The following DLGAP1 variants were observed in gnomAD, a reference collection of about 807,000 sequenced individuals.
The protein encoded by DLGAP1 is DLG associated protein 1.
Under a neutral mutation model 90.8 loss-of-function variants are expected in DLGAP1, and 11 were observed. That is an observed-to-expected ratio of 0.12 (90% CI 0.08 to 0.20). The LOEUF (loss-of-function observed/expected upper bound fraction) is 0.20. Ranked by LOEUF, DLGAP1 falls within the 10% of genes least tolerant of loss-of-function variation. The probability of loss-of-function intolerance (pLI) is 1.00; values close to 1 mark genes in which losing one functional copy is unlikely to be tolerated. For synonymous variants in DLGAP1, 558 were observed against 540.7 expected, an observed-to-expected ratio of 1.03 and a Z score of -0.44; for missense variants, 1,050 against 1,333.8, an observed-to-expected ratio of 0.79 and a Z score of 3.31.
At chr18:3,665,908 G>C (rs891350891) in intron 7 of DLGAP1, among the ~76,000 whole-genome samples, 2 of 152,220 alleles carry the variant, frequency 1.3e-5, no homozygotes, top group Non-Finnish European at 2.9e-5. Context: ...GCAGGAGGCA[G>C]ATGTAGGGGC....
intron 1 of DLGAP1, among the ~76,000 whole-genome samples, chr18:4,268,951 T>C (rs1196222225): frequency 6.6e-6 from 1 of 152,108 alleles, no homozygotes; most frequent in Non-Finnish European, 1.5e-5. Context: ...TTCAGTATTG[T>C]GTTATATATA....
intron 1 of DLGAP1, among the ~76,000 whole-genome samples, chr18:4,165,629 A>G (rs2076920504): frequency 6.6e-6 from 1 of 152,206 alleles, no homozygotes; most frequent in African/African-American, 2.4e-5. Context: ...CTGATACTTA[A>G]GACAATCATA....
intron 1 of DLGAP1, among the ~76,000 whole-genome samples, chr18:4,205,861 T>C (rs1050072139): frequency 6.6e-6 from 1 of 152,318 alleles, no homozygotes; most frequent in East Asian, 1.9e-4. Context: ...AGTAAGAGAT[T>C]GACTTGATGA....
intron 2 of DLGAP1, among the ~76,000 whole-genome samples, chr18:4,047,222 T>A (rs1320982905): frequency 2.0e-5 from 3 of 152,228 alleles, no homozygotes; most frequent in Non-Finnish European, 2.9e-5. Context: ...CTCAGGCAAT[T>A]TTCAGACAAA....
chr18:3,504,057 T>C (rs1170536073), intron 11 of DLGAP1, among the ~76,000 whole-genome samples: 1 of 152,150 alleles, frequency 6.6e-6, no homozygotes, highest in Non-Finnish European at 1.5e-5. Flanking sequence ...GGTTGTGCCA[T>C]TGCACTCCAG....
intron 1 of DLGAP1, among the ~76,000 whole-genome samples, chr18:4,258,185 C>T (rs554300253): frequency 3.3e-5 from 5 of 151,524 alleles, no homozygotes; most frequent in African/African-American, 4.8e-5. Flanking sequence ...TACAGTCGTG[C>T]GCCACTACGC....
chr18:4,024,527 A>G (rs1193447082), intron 2 of DLGAP1, among the ~76,000 whole-genome samples: 2 of 152,058 alleles, frequency 1.3e-5, no homozygotes, highest in African/African-American at 4.8e-5. Context: ...CCCTCTTAAC[A>G]CTTATGCTCG....
At chr18:4,061,282 A>T (rs1568375172) in intron 2 of DLGAP1, among the ~76,000 whole-genome samples, 1 of 152,160 alleles carries the variant, frequency 6.6e-6, no homozygotes, top group Admixed American at 6.6e-5. Flanking sequence ...GGGAATGTGA[A>T]TTTTTTTGCC....
intron 1 of DLGAP1, among the ~76,000 whole-genome samples, chr18:4,196,605 G>A (rs1169243971): frequency 6.6e-6 from 1 of 152,224 alleles, no homozygotes. Flanking sequence ...AGAACTGATA[G>A]AGGAGCAAAG....
rs533902639 is a variant in DLGAP1, at chr18:3,844,817, GCTTTT to G, written c.958-30549_958-30545del. ...GAAATCAACATGATGTACGTATTCT[GCTTTT>G]CTTTGCAGCTTAGAGCAAATTCAAC... On this transcript the variant is annotated intron_variant, in intron 4 of 12. Coordinates refer to ENST00000315677, the MANE Select transcript of DLGAP1 (RefSeq NM_004746.4). Among the ~76,000 whole-genome samples the G allele has an allele frequency of 3.9e-3, 591 of 152,228 alleles. 2 individuals are homozygous for G. Among genetic ancestry groups the G allele is most frequent in the African/African-American group, 0.014 (570 of 41,538 alleles).
intron 3 of DLGAP1, among the ~76,000 whole-genome samples, chr18:3,929,379 G>T (rs1204914370): frequency 6.6e-6 from 1 of 152,172 alleles, no homozygotes; most frequent in Non-Finnish European, 1.5e-5. Flanking sequence ...CCACAATTCT[G>T]ACCACTCCAG....
chr18:3,941,709 G>GTAA (rs2072773228), intron 3 of DLGAP1, among the ~76,000 whole-genome samples: 1 of 152,018 alleles, frequency 6.6e-6, no homozygotes. Context: ...ACATTATATT[G>GTAA]TAATTATAAG....
rs539000823 is a variant in DLGAP1, at chr18:3,769,032, A to G, written c.1173-26520T>C. On this transcript the variant is annotated intron_variant, in intron 5 of 12. Coordinates refer to ENST00000315677, the MANE Select transcript of DLGAP1 (RefSeq NM_004746.4). ...AAAATCACATATCTGACAAAGGATTAGTACCTAATATAAATACAGTACTTT... is the reference window on the plus strand; with the variant it reads ...AAAATCACATATCTGACAAAGGATTGGTACCTAATATAAATACAGTACTTT... Among the ~76,000 whole-genome samples the G allele has an allele frequency of 7.1e-3, 1,076 of 152,298 alleles. 16 individuals carry two copies. Among genetic ancestry groups the G allele is most frequent in the African/African-American group, 0.025 (1,021 of 41,522 alleles).
At chr18:4,377,835 G>C (rs1407154987) in intron 1 of DLGAP1, among the ~76,000 whole-genome samples, 1 of 151,892 alleles carries the variant, frequency 6.6e-6, no homozygotes, top group Admixed American at 6.6e-5. Context: ...TATTAATAAA[G>C]AGTATGTACC....
At chr18:3,679,198 C>A (rs1274990813) in intron 7 of DLGAP1, among the ~76,000 whole-genome samples, 5 of 119,164 alleles carry the variant, frequency 4.2e-5, no homozygotes, top group African/African-American at 1.8e-4. Flanking sequence ...TCCCTCCCCA[C>A]CCCCTACTCC....
At chr18:3,564,571 G>A (rs1327511881) in intron 9 of DLGAP1, among the ~76,000 whole-genome samples, 2 of 152,192 alleles carry the variant, frequency 1.3e-5, no homozygotes, top group Non-Finnish European at 2.9e-5. Flanking sequence ...GAAGCACAAG[G>A]AGATTTTTTT....
At chr18:3,924,600 T>C (rs1471873562) in intron 3 of DLGAP1, among the ~76,000 whole-genome samples, 2 of 152,312 alleles carry the variant, frequency 1.3e-5, no homozygotes, top group African/African-American at 4.8e-5. Context: ...GTGAATTTTT[T>C]CAGCCGTATC....
At chr18:4,163,089 T>C (rs1210000193) in intron 1 of DLGAP1, among the ~76,000 whole-genome samples, 2 of 152,168 alleles carry the variant, frequency 1.3e-5, no homozygotes, top group Non-Finnish European at 2.9e-5. Flanking sequence ...TTTACTAATG[T>C]CCAGCAATAG....
intron 7 of DLGAP1, among the ~76,000 whole-genome samples, chr18:3,666,376 T>C (rs1598266905): frequency 6.6e-6 from 1 of 152,208 alleles, no homozygotes; most frequent in East Asian, 1.9e-4. Flanking sequence ...TTTCCACCTT[T>C]GCCCCAGGAT....
Sources: gnomAD v4.1 joint callset for allele counts (sites outside exome capture counted in the v4.1 genomes callset) on GRCh38, gnomAD v4.1.1 for gene constraint, MANE v1.5 for transcripts, NCBI Gene and HGNC (gene_info 2026-07-23, HGNC 2026-07-21) for gene names.